The following EYS variants were observed in gnomAD, a reference collection of about 807,000 sequenced individuals.
EYS encodes the protein EGF-like photoreceptor maintenance factor, also known as protein eyes shut homolog.
In EYS, 250 loss-of-function variants were observed where a neutral mutation model predicts 282.1. The ratio of observed to expected loss-of-function variants is 0.89; its 90% CI spans 0.80 to 0.98. The LOEUF is 0.98. EYS is among the 50% of genes least tolerant of loss of function. The pLI is 0.00. For synonymous variants in EYS, 1,355 were observed against 1,282.9 expected, an observed-to-expected ratio of 1.06 and a Z score of -1.20; for missense variants, 4,016 against 3,709.0, an observed-to-expected ratio of 1.08 and a Z score of -2.15.
chr6:64,151,402 C>G (rs955597505), intron 31 of EYS, among the ~76,000 whole-genome samples: 26 of 139,566 alleles, frequency 1.9e-4, no homozygotes, highest in Non-Finnish European at 1.8e-4. Context: ...CGCTCTGTCA[C>G]CAGGCTGGAG....
intron 12 of EYS, among the ~76,000 whole-genome samples, chr6:65,208,753 A>ACACATGGT (rs1766099230): frequency 3.3e-5 from 2 of 60,352 alleles, no homozygotes; most frequent in African/African-American, 2.2e-4. Context: ...AACAATGGGA[A>ACACATGGT]CATAAAGATG....
intron 35 of EYS, among the ~76,000 whole-genome samples, chr6:63,939,521 T>C (rs1023840775): frequency 1.3e-5 from 2 of 152,160 alleles, no homozygotes; most frequent in African/African-American, 4.8e-5. Context: ...AGAAATATTT[T>C]TATAAGGTTT....
At position 64,275,032 on chromosome 6, in the gene EYS, C is replaced by T. The variant is rs1297995511; in HGVS notation, c.6191+31938G>A. Among the ~76,000 whole-genome samples, 5 of 152,164 alleles carry T rather than the reference C, an allele frequency of 3.3e-5. No individual in the cohort carries two copies. The East Asian group carries it at 5.8e-4, about 18-fold the overall frequency. Reference sequence around the variant, plus strand: ...CTTCCAGAACATCCCATAAAGCATGCACCTGGCAACCTGGTCACACCTACA... The same window carrying T: ...CTTCCAGAACATCCCATAAAGCATGTACCTGGCAACCTGGTCACACCTACA... On this transcript the variant is annotated intron_variant, in intron 30 of 42. Coordinates refer to ENST00000503581, the MANE Select transcript of EYS (RefSeq NM_001142800.2).
chr6:65,216,214 T>G (rs910146247), intron 12 of EYS, among the ~76,000 whole-genome samples: 1 of 152,118 alleles, frequency 6.6e-6, no homozygotes, highest in Non-Finnish European at 1.5e-5. Flanking sequence ...TATATATTTA[T>G]ATTTTATATA....
At chr6:64,274,485 T>TTTTTTTGTTTTG (rs1768044953) in intron 30 of EYS, among the ~76,000 whole-genome samples, 2 of 147,436 alleles carry the variant, frequency 1.4e-5, no homozygotes, top group African/African-American at 5.1e-5. Context: ...CTGGCCGTTT[T>TTTTTTTGTTTTG]TTTTTTTTTT....
At chr6:65,163,785 T>A (rs1424512331) in intron 12 of EYS, among the ~76,000 whole-genome samples, 1 of 151,308 alleles carries the variant, frequency 6.6e-6, no homozygotes, top group South Asian at 2.1e-4. Flanking sequence ...AAAGTTCAAA[T>A]GACATGGTCC....
intron 31 of EYS, among the ~76,000 whole-genome samples, chr6:64,198,699 G>T (rs910934532): frequency 6.6e-5 from 10 of 152,246 alleles, no homozygotes; most frequent in African/African-American, 2.4e-4. Flanking sequence ...GTGTATATGT[G>T]CCAGATTTTC....
At chr6:65,390,464 C>T (rs1026243644) in intron 7 of EYS, among the ~76,000 whole-genome samples, 5 of 151,502 alleles carry the variant, frequency 3.3e-5, no homozygotes, top group African/African-American at 1.2e-4. Context: ...GCAACAAGGG[C>T]AACGCTGTCT....
At chr6:64,729,015 T>G (rs61744129) in intron 22 of EYS, 2,264 of 152,766 alleles carry the variant, frequency 0.015, 55 homozygotes, top group African/African-American at 0.051. Context: ...CTGCTTCTCT[T>G]GGATATCCAG....
intron 26 of EYS, among the ~76,000 whole-genome samples, chr6:64,462,022 T>C (rs191554502): frequency 1.2e-3 from 177 of 152,248 alleles, no homozygotes; most frequent in African/African-American, 4.1e-3. Flanking sequence ...TACTTGTAAA[T>C]GAATGGACAG....
intron 1 of EYS, among the ~76,000 whole-genome samples, chr6:65,660,742 T>C (rs1767977070): frequency 6.6e-6 from 1 of 151,858 alleles, no homozygotes; most frequent in Non-Finnish European, 1.5e-5. Context: ...AACTTTCTGA[T>C]ACTGTGATCA....
At chr6:64,512,148 T>A (rs1777430918) in intron 26 of EYS, among the ~76,000 whole-genome samples, 1 of 152,238 alleles carries the variant, frequency 6.6e-6, no homozygotes, top group Middle Eastern at 3.4e-3. Context: ...TACACATACA[T>A]ATGTGTGTAC....
chr6:64,282,431 A>G (rs934657707), intron 30 of EYS, among the ~76,000 whole-genome samples: 14 of 152,164 alleles, frequency 9.2e-5, no homozygotes, highest in African/African-American at 3.1e-4. Flanking sequence ...ATATAATCCA[A>G]TCATTTAATT....
chr6:64,690,393 G>T (rs1465251934), intron 22 of EYS, among the ~76,000 whole-genome samples: 1 of 152,142 alleles, frequency 6.6e-6, no homozygotes, highest in African/African-American at 2.4e-5. Context: ...GTGTAAACTA[G>T]TTCAACCATC....
At chr6:65,068,252 G>T (rs953645378) in intron 12 of EYS, among the ~76,000 whole-genome samples, 5 of 152,018 alleles carry the variant, frequency 3.3e-5, no homozygotes, top group Non-Finnish European at 7.4e-5. Context: ...CAACGGAGTC[G>T]AATGTTAAGG....
At chr6:64,383,655 T>C (rs1424373612) in intron 29 of EYS, among the ~76,000 whole-genome samples, 2 of 152,238 alleles carry the variant, frequency 1.3e-5, no homozygotes, top group African/African-American at 4.8e-5. Context: ...TGGACCCCTA[T>C]AAATGGCTAT....
intron 30 of EYS, among the ~76,000 whole-genome samples, chr6:64,231,655 G>A (rs1385439060): frequency 6.6e-6 from 1 of 152,086 alleles, no homozygotes; most frequent in Non-Finnish European, 1.5e-5. Flanking sequence ...AGATGAAACT[G>A]TAGTATAGTT....
intron 29 of EYS, among the ~76,000 whole-genome samples, chr6:64,353,150 T>C (rs958456050): frequency 6.6e-6 from 1 of 151,518 alleles, no homozygotes; most frequent in Non-Finnish European, 1.5e-5. Flanking sequence ...GAATTCCCTA[T>C]TTCCTGCTTT....
rs2780941 is a variant in EYS at position 63,912,791 on chromosome 6, C to A, written c.7056-48433G>T. 3.1e-4 allele frequency among the ~76,000 whole-genome samples: 46 copies of A among 149,232 alleles called. No homozygotes were observed. In the East Asian group the frequency reaches 3.8e-3, roughly 12 times the overall value. On this transcript the variant is annotated intron_variant, in intron 35 of 42. Transcript: ENST00000503581. ...TGTGCAGCACTCCCCACCCGCCCCC[C>A]CGACTTGCTCCTACTCCCCCTTTGC...
Sources: gnomAD v4.1 joint callset for allele counts (sites outside exome capture counted in the v4.1 genomes callset) on GRCh38, gnomAD v4.1.1 for gene constraint, MANE v1.5 for transcripts, NCBI Gene and HGNC (gene_info 2026-07-23, HGNC 2026-07-21) for gene names.